ATXN1: variants seen among roughly 807,000 people sequenced by gnomAD.
The protein encoded by ATXN1 is ataxin-1.
In ATXN1, 8 loss-of-function variants were observed where a neutral mutation model predicts 56.4. The observed-to-expected ratio is 0.14, with a 90% CI of 0.08 to 0.26. The LOEUF (loss-of-function observed/expected upper bound fraction) is 0.26, where lower values mean the gene tolerates loss of function less well. ATXN1 is among the 10% of genes least tolerant of loss of function. The pLI, the probability that ATXN1 is intolerant of heterozygous loss-of-function variation, is 1.00. For missense variants in ATXN1, 987 were observed against 1,106.5 expected, an observed-to-expected ratio of 0.89 and a Z score of 1.53; for synonymous variants, 514 against 494.6, an observed-to-expected ratio of 1.04 and a Z score of -0.52.
At chr6:16,699,286 G>A (rs747685922) in intron 2 of ATXN1, among the ~76,000 whole-genome samples, 4 of 152,182 alleles carry the variant, frequency 2.6e-5, no homozygotes, top group Admixed American at 6.5e-5. Context: ...TCTCAAGCTC[G>A]TCATAGAATC....
chr6:16,619,676 C>A (rs1306280886), intron 3 of ATXN1, among the ~76,000 whole-genome samples: 1 of 152,150 alleles, frequency 6.6e-6, no homozygotes, highest in African/African-American at 2.4e-5. Flanking sequence ...TGAATATATA[C>A]ATCCCTTCTG....
intron 6 of ATXN1, among the ~76,000 whole-genome samples, chr6:16,452,086 C>T (rs1220451108): frequency 6.6e-6 from 1 of 152,130 alleles, no homozygotes; most frequent in Non-Finnish European, 1.5e-5. Context: ...GGCTCATGAA[C>T]AAGACAGATG....
At chr6:16,338,268 C>A (rs902738309) in intron 6 of ATXN1, among the ~76,000 whole-genome samples, 1 of 151,804 alleles carries the variant, frequency 6.6e-6, no homozygotes, top group Admixed American at 6.6e-5. Flanking sequence ...CTGAGGCGGG[C>A]GGATTGCGAG....
chr6:16,308,865 T>C (rs1561844755), intron 7 of ATXN1, among the ~76,000 whole-genome samples: 1 of 152,164 alleles, frequency 6.6e-6, no homozygotes, highest in Admixed American at 6.5e-5. Context: ...ACAAAGACTA[T>C]GCTTACAATA....
At chr6:16,500,453 T>C (rs1327337278) in intron 5 of ATXN1, among the ~76,000 whole-genome samples, 1 of 152,150 alleles carries the variant, frequency 6.6e-6, no homozygotes, top group East Asian at 1.9e-4. Flanking sequence ...GTGGCACCCA[T>C]CTTGTGGAAT....
rs191963704 is a variant in ATXN1, at chr6:16,423,487, G to A, written c.-161+62485C>T. Among the ~76,000 whole-genome samples the A allele has an allele frequency of 4.8e-4, 73 of 152,288 alleles. 2 individuals carry two copies. In the East Asian group the frequency reaches 0.012, roughly 25 times the overall value. ...AAGACTTGTAACATGTGATATTAGGGCAGCAATGGTTTCCTCTACTGGTCC... is the reference window on the plus strand; with the variant it reads ...AAGACTTGTAACATGTGATATTAGGACAGCAATGGTTTCCTCTACTGGTCC... On this transcript the variant is annotated intron_variant, in intron 6 of 7. Transcript: ENST00000436367.
At chr6:16,562,457 A>AAAG (rs1561756139) in intron 4 of ATXN1, among the ~76,000 whole-genome samples, 1 of 37,010 alleles carries the variant, frequency 2.7e-5, no homozygotes, top group African/African-American at 4.3e-5. Context: ...AAAGAAAAGG[A>AAAG]GAGGAGAGGA....
At chr6:16,734,459 A>G (rs888558699) in intron 2 of ATXN1, among the ~76,000 whole-genome samples, 1 of 152,156 alleles carries the variant, frequency 6.6e-6, no homozygotes, top group African/African-American at 2.4e-5. Flanking sequence ...AAGGAGAGAA[A>G]ACAAACAGTG....
At chr6:16,341,806 A>C (rs1761255860) in intron 6 of ATXN1, among the ~76,000 whole-genome samples, 1 of 149,606 alleles carries the variant, frequency 6.7e-6, no homozygotes, top group South Asian at 2.1e-4. Flanking sequence ...GGCGTGAGCC[A>C]CCGCACCCGG....
chr6:16,501,539 T>C (rs1760885995), intron 5 of ATXN1, among the ~76,000 whole-genome samples: 1 of 152,166 alleles, frequency 6.6e-6, no homozygotes, highest in African/African-American at 2.4e-5. Flanking sequence ...GTGTTCTCAT[T>C]ATTCAACTCC....
chr6:16,617,824 T>A (rs1763246897), intron 3 of ATXN1, among the ~76,000 whole-genome samples: 1 of 151,504 alleles, frequency 6.6e-6, no homozygotes, highest in African/African-American at 2.4e-5. Flanking sequence ...TTTTTATTAG[T>A]ACTTAATAAA....
intron 2 of ATXN1, among the ~76,000 whole-genome samples, chr6:16,707,606 C>G (rs1245086773): frequency 6.6e-6 from 1 of 152,118 alleles, no homozygotes; most frequent in Non-Finnish European, 1.5e-5. Context: ...GTTGCACAGG[C>G]TAGAGGTTGA....
intron 2 of ATXN1, among the ~76,000 whole-genome samples, chr6:16,748,547 A>G (rs1263431157): frequency 6.6e-6 from 1 of 152,186 alleles, no homozygotes; most frequent in Non-Finnish European, 1.5e-5. Context: ...AATGGAGAAA[A>G]TAATGATGCC....
At chr6:16,448,158 C>T (rs2113608485) in intron 6 of ATXN1, among the ~76,000 whole-genome samples, 1 of 152,318 alleles carries the variant, frequency 6.6e-6, no homozygotes, top group South Asian at 2.1e-4. Flanking sequence ...CCCTCCTCCT[C>T]TTTTTTCCTG....
intron 2 of ATXN1, among the ~76,000 whole-genome samples, chr6:16,673,611 T>C (rs572126830): frequency 1.3e-5 from 2 of 152,288 alleles, no homozygotes; most frequent in East Asian, 1.9e-4. Context: ...TGGTGCATTG[T>C]AGGATATGAT....
chr6:16,534,268 A>G (rs1464350592), intron 4 of ATXN1, among the ~76,000 whole-genome samples: 2 of 152,056 alleles, frequency 1.3e-5, no homozygotes, highest in Non-Finnish European at 2.9e-5. Context: ...AAGAGTTTTA[A>G]CCAATATGCA....
intron 6 of ATXN1, among the ~76,000 whole-genome samples, chr6:16,446,371 T>G (rs1039945061): frequency 6.6e-6 from 1 of 152,228 alleles, no homozygotes; most frequent in African/African-American, 2.4e-5. Flanking sequence ...TAACACAAAG[T>G]TAAAGTTCCT....
intron 5 of ATXN1, among the ~76,000 whole-genome samples, chr6:16,510,639 A>C (rs1002524225): frequency 6.6e-6 from 1 of 152,162 alleles, no homozygotes; most frequent in African/African-American, 2.4e-5. Context: ...TGGGAGGCTA[A>C]GGTGGGAGGA....
At chr6:16,640,590 G>A (rs1402447882) in intron 3 of ATXN1, among the ~76,000 whole-genome samples, 1 of 151,956 alleles carries the variant, frequency 6.6e-6, no homozygotes, top group African/African-American at 2.4e-5. Flanking sequence ...GGCTGAGGCA[G>A]GAGAATGGCG....
Sources: allele counts gnomAD v4.1 joint callset (sites outside exome capture counted in the v4.1 genomes callset), GRCh38; gene constraint gnomAD v4.1.1; transcripts MANE v1.5; gene names NCBI Gene and HGNC (gene_info 2026-07-23, HGNC 2026-07-21).